Variants in MRPS15 observed in about 807,000 individuals in gnomAD.
MRPS15 encodes mitochondrial ribosomal protein S15, also known as small ribosomal subunit protein uS15m.
MRPS15 carries 25 observed loss-of-function variants against 30.7 expected under a neutral mutation model. The observed-to-expected ratio is 0.81, with a 90% CI of 0.59 to 1.14. MRPS15 has a LOEUF of 1.14. Ranked by LOEUF, MRPS15 falls within the 50% of genes most tolerant of loss-of-function variation. MRPS15 has a pLI of 0.00. For synonymous variants in MRPS15, 124 were observed against 120.1 expected (o/e 1.03, Z -0.21); for missense variants, 313 against 321.7 (o/e 0.97, Z 0.21).
At chr1:36,456,110 C>G in intron 7 of MRPS15, 77 bp downstream of exon 7, 1 of 1,524,798 alleles carries the variant, frequency 6.6e-7, no homozygotes, top group South Asian at 1.3e-5. Context: ...CTAACAGAAA[C>G]AGATGATCCC....
chr1:36,461,333 TGAGACAGACATTGGGG>T, intron 3 of MRPS15, 21 bp from the exon 4 acceptor site: 1 of 1,611,850 alleles, frequency 6.2e-7, no homozygotes, highest in Non-Finnish European at 8.5e-7. Context: ...ACCACAGCAA[TGAGACAGACATTGGGG>T]GAGAAGAGAG....
chr1:36,462,471 G>A (rs527366264), intron 2 of MRPS15, among the ~76,000 whole-genome samples: 1 of 152,328 alleles, frequency 6.6e-6, no homozygotes, highest in East Asian at 1.9e-4. Flanking sequence ...ATAGGACAGA[G>A]TTTGACTCCC....
At chr1:36,461,460 G>T in intron 3 of MRPS15, 148 bp from the exon 4 acceptor site, 1 of 748,312 alleles carries the variant, frequency 1.3e-6, no homozygotes, top group Non-Finnish European at 2.2e-6. Context: ...CCATTTCCCA[G>T]GGATTAAAAG....
At chr1:36,460,620 A>G in intron 5 of MRPS15, 72 bp downstream of exon 5, 1 of 1,165,802 alleles carries the variant, frequency 8.6e-7, no homozygotes, top group Non-Finnish European at 1.3e-6. Flanking sequence ...GTGCTTGTAG[A>G]CAAGAGCCCT....
rs776496972 is a variant in MRPS15, at chr1:36,455,846, C to T, written c.716G>A (p.Arg239Gln). The T allele has an allele frequency of 3.1e-5, 50 of 1,614,028 alleles. No individual in the cohort carries two copies. The highest frequency in any genetic ancestry group is 1.7e-4 in the African/African-American group (13 of 74,906). ...AAAAAQKQAK[R>Q]RNPDSPAKAI... ...TTTGGCAGGGCTGTCTGGGTTCCTCCGCTTTGCTTGTTTTTGGGCTGCTGC... is the reference window on the plus strand; with the variant it reads ...TTTGGCAGGGCTGTCTGGGTTCCTCTGCTTTGCTTGTTTTTGGGCTGCTGC... The change falls in exon 8 of 8, where the codon CGG becomes CAG. Residue 239 changes from arginine (R) to glutamine (Q), a missense_variant. Physicochemically the swap from Arg to Gln is conservative, Grantham distance 43 (BLOSUM62 1). Coordinates refer to ENST00000373116, the MANE Select transcript of MRPS15 (RefSeq NM_031280.4).
chr1:36,464,124 G>A (rs1212159686), intron 1 of MRPS15, 22 bp downstream of exon 1: 1 of 1,601,862 alleles, frequency 6.2e-7, no homozygotes, highest in Non-Finnish European at 8.5e-7. Context: ...TACGCCCGCC[G>A]TCCCATTTCT....
Position 36,457,893 on chromosome 1 carries a change from G to A in MRPS15, c.444+30C>T, listed in dbSNP as rs12023818. Reference sequence around the variant, plus strand: ...GACCCCTTTCCCCCAGGCTGCTGCTGTTTAACTGTGAATGACGTCCAGAGT... The same window carrying A: ...GACCCCTTTCCCCCAGGCTGCTGCTATTTAACTGTGAATGACGTCCAGAGT... On this transcript the variant is annotated intron_variant, in intron 6 of 7. Coordinates refer to ENST00000373116, the MANE Select transcript of MRPS15 (RefSeq NM_031280.4). 15 of 1,610,726 alleles carry A rather than the reference G, an allele frequency of 9.3e-6. No homozygotes were observed. The East Asian group carries it at 3.1e-4, about 34-fold the overall frequency.
chr1:36,462,449 G>T (rs1265665765), intron 2 of MRPS15, among the ~76,000 whole-genome samples: 1 of 152,202 alleles, frequency 6.6e-6, no homozygotes, highest in Non-Finnish European at 1.5e-5. Flanking sequence ...ACTAGGATGG[G>T]TCCTCCTGTG....
chr1:36,463,009 G>C (rs555856231), intron 2 of MRPS15, among the ~76,000 whole-genome samples: 93 of 151,948 alleles, frequency 6.1e-4, no homozygotes, highest in African/African-American at 2.2e-3. Flanking sequence ...CTGTCACCCA[G>C]GCTGGAGTGC....
intron 5 of MRPS15, chr1:36,459,015 T>A (rs1557580522): frequency 6.6e-6 from 1 of 152,190 alleles, no homozygotes; most frequent in Non-Finnish European, 1.5e-5. Flanking sequence ...AAGATAGGCC[T>A]TGGTTCCTGA....
Position 36,464,266 on chromosome 1 carries a change from C to T in MRPS15, c.10G>A (p.Val4Ile). 1 of 1,613,752 alleles carries T rather than the reference C, an allele frequency of 6.2e-7. No individual in the cohort carries two copies. The highest frequency in any genetic ancestry group is 8.5e-7 in the Non-Finnish European group (1 of 1,179,798). MLR[V>I]AWRTLSLIRT... Reference sequence around the variant, plus strand: ...ATCAAACTCAGCGTCCTCCACGCGACCCTCAGCATGGTGACCTCTAACCCC... The same window carrying T: ...ATCAAACTCAGCGTCCTCCACGCGATCCTCAGCATGGTGACCTCTAACCCC... The change falls in exon 1 of 8, where the codon GTC (valine) becomes ATC (isoleucine). Residue 4 changes from valine to isoleucine, a missense_variant. Val to Ile is a conservative substitution (Grantham distance 29, BLOSUM62 3). Transcript: ENST00000373116.
intron 6 of MRPS15, chr1:36,456,590 T>C (rs1298856507): frequency 3.8e-6 from 2 of 532,018 alleles, no homozygotes; most frequent in Non-Finnish European, 6.5e-6. Context: ...AAAAGGTCTT[T>C]AGAACTGTGA....
intron 5 of MRPS15, among the ~76,000 whole-genome samples, chr1:36,460,009 G>C (rs1466682869): frequency 6.6e-6 from 1 of 152,118 alleles, no homozygotes; most frequent in Non-Finnish European, 1.5e-5. Flanking sequence ...TCAAAATGTT[G>C]GTCTTATTTT....
rs542973712 is a variant in MRPS15 at position 36,464,218 on chromosome 1, C to T, written c.58G>A (p.Val20Ile). ...CCGCCCGGCAGCCCGGGTACTAGGA[C>T]CTGGGTAACTGCCCGGGTCCGAATC... is the stretch of plus-strand genomic sequence containing the variant. ...SLIRTRAVTQVLVPGLPGGGS... is the reference protein window; with the variant it reads ...SLIRTRAVTQILVPGLPGGGS... Residue 20 changes from valine to isoleucine, a missense_variant, in exon 1 of 8, where the codon GTC becomes ATC. Physicochemically the swap from Val to Ile is conservative, Grantham distance 29. Transcript: ENST00000373116. 1.2e-6 allele frequency: 2 copies of T among 1,614,128 alleles called. No homozygotes were observed. The highest frequency in any genetic ancestry group is 2.7e-5 in the African/African-American group (2 of 75,068).
chr1:36,457,061 G>T (rs1047409672), intron 6 of MRPS15, among the ~76,000 whole-genome samples: 1 of 152,176 alleles, frequency 6.6e-6, no homozygotes, highest in African/African-American at 2.4e-5. Flanking sequence ...GAGATCACGA[G>T]GTCAGGAGAT....
chr1:36,464,165 C>T lies in MRPS15; in HGVS notation c.111G>A (p.Gln37=), dbSNP rs759212522. The T allele has an allele frequency of 1.2e-6, 2 of 1,613,886 alleles. No homozygotes were observed. Among genetic ancestry groups the T allele is most frequent in the Non-Finnish European group, 1.7e-6 (2 of 1,179,958 alleles). The change falls in exon 1 of 8, where the codon CAG becomes CAA. Residue 37 remains glutamine (Q), a synonymous_variant. Transcript: ENST00000373116. ...GGGSAKFPFN[Q]WGLQPRSLLL... Reference sequence around the variant, plus strand: ...CCTCACTTCGAGGCTGCAGGCCCCACTGGTTGAAAGGAAACTTGGCGCTCC... The same window carrying T: ...CCTCACTTCGAGGCTGCAGGCCCCATTGGTTGAAAGGAAACTTGGCGCTCC...
At chr1:36,457,867 G>C (rs561655159) in intron 6 of MRPS15, 56 bp downstream of exon 6, 5 of 1,555,082 alleles carry the variant, frequency 3.2e-6, no homozygotes, top group Non-Finnish European at 4.4e-6. Context: ...CTTCCCCTCC[G>C]GACCCCTTTC....
At chr1:36,461,232 C>A (rs777506565) in intron 4 of MRPS15, 32 bp downstream of exon 4, 2 of 1,611,624 alleles carry the variant, frequency 1.2e-6, no homozygotes, top group Admixed American at 1.7e-5. Context: ...GAGAAGACTG[C>A]GGGAGGCTGA....
In MRPS15 at chr1:36,460,471, G is replaced by T. The variant is rs945944873; in HGVS notation, c.385+221C>A. Among the ~76,000 whole-genome samples, 3 of 152,270 alleles carry T rather than the reference G, an allele frequency of 2.0e-5. No homozygotes were observed. The South Asian group carries it at 6.2e-4, about 32-fold the overall frequency. On this transcript the variant is annotated intron_variant, in intron 5 of 7. Coordinates refer to ENST00000373116, the MANE Select transcript of MRPS15 (RefSeq NM_031280.4). ...GAGGAAGCAGGGGCTCCAAGAGAGG[G>T]TTGGTGACTTACCCAAGCTCACACA... is the stretch of plus-strand genomic sequence containing the variant.
Sources: allele counts gnomAD v4.1 joint callset (sites outside exome capture counted in the v4.1 genomes callset), GRCh38; gene constraint gnomAD v4.1.1; transcripts MANE v1.5; gene names NCBI Gene and HGNC (gene_info 2026-07-23, HGNC 2026-07-21).